The following TEK variants were observed in gnomAD, a reference collection of about 807,000 sequenced individuals.
The protein encoded by TEK is TEK receptor tyrosine kinase.
A neutral mutation model predicts 131.8 loss-of-function variants in TEK; 43 were observed. That is an observed-to-expected ratio of 0.33 (90% confidence interval 0.26 to 0.42). TEK has a LOEUF of 0.42. Among genes scored for constraint, TEK ranks in the 10% least tolerant of loss-of-function variants. The pLI, the probability that TEK is intolerant of heterozygous loss-of-function variation, is 1.00. For missense variants in TEK, 1,162 were observed against 1,384.4 expected (o/e 0.84, Z 2.55); for synonymous variants, 580 against 491.6 (o/e 1.18, Z -2.38).
At chr9:27,120,678 A>C (rs1421432268) in intron 1 of TEK, among the ~76,000 whole-genome samples, 1 of 152,220 alleles carries the variant, frequency 6.6e-6, no homozygotes, top group Non-Finnish European at 1.5e-5. Flanking sequence ...CCCTTTGTTC[A>C]AGGGTTATGT....
chr9:27,135,873 T>C (rs1234832394), intron 1 of TEK, among the ~76,000 whole-genome samples: 1 of 152,148 alleles, frequency 6.6e-6, no homozygotes, highest in Non-Finnish European at 1.5e-5. Context: ...CTAATATAAA[T>C]TCCAAGACTA....
chr9:27,205,641 C>A (rs1001143308), intron 14 of TEK, among the ~76,000 whole-genome samples: 1 of 150,906 alleles, frequency 6.6e-6, no homozygotes, highest in Admixed American at 6.6e-5. Context: ...TTTTTTTTTT[C>A]ATCTAGGAAT....
intron 21 of TEK, among the ~76,000 whole-genome samples, chr9:27,222,072 C>T (rs1338903283): frequency 6.6e-6 from 1 of 152,156 alleles, no homozygotes; most frequent in African/African-American, 2.4e-5. Context: ...AAAATCACAG[C>T]ACGAATACTT....
At chr9:27,111,803 C>G (rs1821358358) in intron 1 of TEK, among the ~76,000 whole-genome samples, 1 of 152,010 alleles carries the variant, frequency 6.6e-6, no homozygotes, top group Non-Finnish European at 1.5e-5. Flanking sequence ...AAAAAAATCA[C>G]TGTGATTTAT....
At chr9:27,192,087 C>T (rs868276620) in intron 10 of TEK, 7 of 390,432 alleles carry the variant, frequency 1.8e-5, no homozygotes, top group Middle Eastern at 3.8e-4. Flanking sequence ...AGCAAACCTC[C>T]TAAGCATCTT....
rs143166299 is a variant in TEK, at chr9:27,123,505, C to A, written c.52+13863C>A. Among the ~76,000 whole-genome samples, 70 of 152,272 alleles carry A rather than the reference C, an allele frequency of 4.6e-4. 1 individual carries two copies. In the East Asian group the frequency reaches 0.012, roughly 25 times the overall value. ...GGTAGGTATTTTCATGGAGAGGCCA[C>A]GCACAGTTACCTGGAGTAACAGAAT... On this transcript the variant is annotated intron_variant, in intron 1 of 22. Transcript: ENST00000380036.
intron 1 of TEK, among the ~76,000 whole-genome samples, chr9:27,141,773 C>A (rs1324941000): frequency 6.6e-6 from 1 of 152,162 alleles, no homozygotes. Flanking sequence ...AGTGGATATA[C>A]TTCCATTACA....
chr9:27,146,671 C>T (rs1213959919), intron 1 of TEK, among the ~76,000 whole-genome samples: 4 of 150,432 alleles, frequency 2.7e-5, no homozygotes, highest in Non-Finnish European at 5.9e-5. Flanking sequence ...TATTTGGGTG[C>T]TTCCAGTTTG....
intron 1 of TEK, among the ~76,000 whole-genome samples, chr9:27,117,160 C>G (rs1363828709): frequency 6.6e-6 from 1 of 152,064 alleles, no homozygotes; most frequent in African/African-American, 2.4e-5. Flanking sequence ...CCACTGCGCC[C>G]GGCCGGAAAG....
At chr9:27,113,548 A>G (rs1252334059) in intron 1 of TEK, among the ~76,000 whole-genome samples, 2 of 152,194 alleles carry the variant, frequency 1.3e-5, no homozygotes, top group Non-Finnish European at 2.9e-5. Flanking sequence ...AGATCACGCC[A>G]TTGTACTCCA....
chr9:27,179,866 A>G (rs1466462448), intron 6 of TEK, among the ~76,000 whole-genome samples: 6 of 152,186 alleles, frequency 3.9e-5, no homozygotes, highest in Non-Finnish European at 5.9e-5. Flanking sequence ...ACGTGGTGTC[A>G]ACTGTACCTA....
intron 1 of TEK, among the ~76,000 whole-genome samples, chr9:27,119,727 C>G (rs1821708889): frequency 6.6e-6 from 1 of 152,226 alleles, no homozygotes; most frequent in Non-Finnish European, 1.5e-5. Flanking sequence ...CGTGACTGAT[C>G]ACGGGCTCTA....
At chr9:27,212,213 C>A (rs1167228368) in intron 16 of TEK, among the ~76,000 whole-genome samples, 1 of 152,090 alleles carries the variant, frequency 6.6e-6, no homozygotes, top group Non-Finnish European at 1.5e-5. Context: ...GCAGGAGAGA[C>A]AATTACCTGT....
rs1284224937 is a variant in TEK at position 27,121,574 on chromosome 9, CATAT to C, written c.52+11936_52+11939del. On this transcript the variant is annotated intron_variant, in intron 1 of 22. Transcript: ENST00000380036. ...TATATGCAATATGCAAAATTATTTA[CATAT>C]ATAAACATTTATTTGCATCTGTTTA... Among the ~76,000 whole-genome samples the C allele has an allele frequency of 4.0e-5, 6 of 150,538 alleles. No individual in the cohort carries two copies. In the East Asian group the frequency reaches 1.2e-3, roughly 29 times the overall value.
intron 1 of TEK, among the ~76,000 whole-genome samples, chr9:27,141,790 T>C (rs1469563820): frequency 6.6e-6 from 1 of 152,256 alleles, no homozygotes. Context: ...TACATGATGC[T>C]GTTAATTAAA....
intron 20 of TEK, 105 bp downstream of exon 20, chr9:27,218,922 T>G: frequency 8.9e-7 from 1 of 1,128,450 alleles, no homozygotes. Flanking sequence ...TTGTATGTGG[T>G]TCTACCAGAT....
rs1430786501 is a variant in TEK, at chr9:27,217,685, C to T, written c.2992-3C>T. Reference sequence around the variant, plus strand: ...AAGTGAAATCTCACTTTGTTCTCTCCAGGGAAGGCTCCCAGTGCGCTGGAT... The same window carrying T: ...AAGTGAAATCTCACTTTGTTCTCTCTAGGGAAGGCTCCCAGTGCGCTGGAT... On this transcript the variant is annotated splice_region_variant and splice_polypyrimidine_tract_variant and intron_variant, in intron 18 of 22. Transcript: ENST00000380036. 3 of 1,613,456 alleles carry T rather than the reference C, an allele frequency of 1.9e-6. No individual in the cohort carries two copies. In the African/African-American group the frequency reaches 4.0e-5, roughly 22 times the overall value.
intron 1 of TEK, among the ~76,000 whole-genome samples, chr9:27,115,900 G>T (rs933246541): frequency 1.3e-5 from 2 of 152,216 alleles, no homozygotes; most frequent in Non-Finnish European, 2.9e-5. Flanking sequence ...TAAGTAGGTT[G>T]TCCCTCATTC....
At chr9:27,137,501 A>C (rs1010340955) in intron 1 of TEK, among the ~76,000 whole-genome samples, 2 of 152,214 alleles carry the variant, frequency 1.3e-5, no homozygotes, top group Non-Finnish European at 2.9e-5. Context: ...CTTATATTAC[A>C]TAAACTCATT....
Sources: gnomAD v4.1 joint callset for allele counts (sites outside exome capture counted in the v4.1 genomes callset) on GRCh38, gnomAD v4.1.1 for gene constraint, MANE v1.5 for transcripts, NCBI Gene and HGNC (gene_info 2026-07-23, HGNC 2026-07-21) for gene names.